Variants in KLHL29 observed in about 807,000 individuals in gnomAD.
KLHL29 encodes the protein kelch like family member 29.
Under a neutral mutation model 80.4 loss-of-function variants are expected in KLHL29, and 21 were observed. That is an observed-to-expected ratio of 0.26 (90% CI 0.19 to 0.38). The LOEUF is 0.38. KLHL29 is among the 10% of genes least tolerant of loss of function. The pLI, the probability that KLHL29 is intolerant of heterozygous loss-of-function variation, is 1.00. For synonymous variants in KLHL29, 511 were observed against 526.8 expected (o/e 0.97, Z 0.41); for missense variants, 867 against 1,223.9 (o/e 0.71, Z 4.35).
At chr2:23,401,647 C>T (rs1666601557) in intron 1 of KLHL29, among the ~76,000 whole-genome samples, 1 of 152,176 alleles carries the variant, frequency 6.6e-6, no homozygotes, top group Non-Finnish European at 1.5e-5. Flanking sequence ...CACAGGAGAC[C>T]TGGGACAGAG....
intron 1 of KLHL29, among the ~76,000 whole-genome samples, chr2:23,460,441 G>T (rs769255602): frequency 1.3e-5 from 2 of 152,128 alleles, no homozygotes; most frequent in East Asian, 1.9e-4. Flanking sequence ...GATGCTACTG[G>T]CCTCTAGTGG....
chr2:23,548,337 A>AGG lies in KLHL29; in HGVS notation c.-45-13815_-45-13814insGG, dbSNP rs1301199720. Among the ~76,000 whole-genome samples, 10 of 149,828 alleles carry AGG rather than the reference A, an allele frequency of 6.7e-5. No individual in the cohort carries two copies. In the East Asian group the frequency reaches 1.9e-3, roughly 29 times the overall value. Reference sequence around the variant, plus strand: ...CACACAGACACAAGCACACAGACACACACACAGGCACACAGGCACACACAC... The same window carrying AGG: ...CACACAGACACAAGCACACAGACACAGGCACACAGGCACACAGGCACACACAC... On this transcript the variant is annotated intron_variant, in intron 2 of 13. Transcript: ENST00000486442.
At chr2:23,433,998 G>A (rs1558336562) in intron 1 of KLHL29, among the ~76,000 whole-genome samples, 1 of 152,096 alleles carries the variant, frequency 6.6e-6, no homozygotes, top group East Asian at 1.9e-4. Flanking sequence ...TGTGTCTGTG[G>A]GTGTGTGCAA....
chr2:23,436,306 G>GTGTGTGTGTGTGTT (rs1484848749), intron 1 of KLHL29, among the ~76,000 whole-genome samples: 2 of 151,234 alleles, frequency 1.3e-5, no homozygotes, highest in Non-Finnish European at 3.0e-5. Context: ...GTGTGTGTGT[G>GTGTGTGTGTGTGTT]TGTGTGTGTG....
chr2:23,591,658 C>T (rs1219691995), intron 3 of KLHL29, among the ~76,000 whole-genome samples: 5 of 152,170 alleles, frequency 3.3e-5, no homozygotes, highest in African/African-American at 7.2e-5. Context: ...CCAAGGTCCT[C>T]GCCCGGTCTC....
chr2:23,673,982 C>G (rs894061441), intron 5 of KLHL29, among the ~76,000 whole-genome samples: 2 of 152,226 alleles, frequency 1.3e-5, no homozygotes, highest in African/African-American at 4.8e-5. Flanking sequence ...ATGGCCCTCT[C>G]ACACCTCAGC....
intron 1 of KLHL29, among the ~76,000 whole-genome samples, chr2:23,467,038 C>G (rs575385850): frequency 6.6e-6 from 1 of 152,154 alleles, no homozygotes; most frequent in Admixed American, 6.5e-5. Context: ...TTGTCACTCA[C>G]CCTCTCCTGT....
At chr2:23,697,353 G>C (rs979403223) in intron 11 of KLHL29, 29 of 152,252 alleles carry the variant, frequency 1.9e-4, no homozygotes, top group African/African-American at 6.5e-4. Flanking sequence ...CAGAACGGAG[G>C]CTTAGTCCTG....
chr2:23,480,088 AC>A (rs1664744980), intron 2 of KLHL29, among the ~76,000 whole-genome samples: 1 of 152,182 alleles, frequency 6.6e-6, no homozygotes, highest in Non-Finnish European at 1.5e-5. Context: ...GGGAATAACC[AC>A]GGCCTTCCCA....
At position 23,596,858 on chromosome 2, in the gene KLHL29, T is replaced by C. The variant is rs1162639043; in HGVS notation, c.285+34377T>C. The stretch of plus-strand genomic sequence containing the variant: ...TACCCATTTTTCAGATTTTCCTCCT[T>C]CTTACTCATGGCACTCATGTAAGTG... On this transcript the variant is annotated intron_variant, in intron 3 of 13. Coordinates refer to ENST00000486442, the MANE Select transcript of KLHL29 (RefSeq NM_052920.2). The surrounding 1 kb of genome is among the most constrained non-coding windows in gnomAD (Gnocchi z 4.4). Among the ~76,000 whole-genome samples, 2 of 152,136 alleles carry C rather than the reference T, an allele frequency of 1.3e-5. No individual in the cohort carries two copies. Among genetic ancestry groups the C allele is most frequent in the African/African-American group, 2.4e-5 (1 of 41,430 alleles).
rs572975822 is a variant in KLHL29, at chr2:23,562,313, C to T, written c.117C>T (p.Ala39=). 1.0e-5 allele frequency: 16 copies of T among 1,545,030 alleles called. No homozygotes were observed. Among genetic ancestry groups the T allele is most frequent in the Admixed American group, 2.0e-5 (1 of 50,802 alleles). Residue 39 remains alanine (A), a synonymous_variant, in exon 3 of 14, where the codon GCC becomes GCT. Transcript: ENST00000486442. The surrounding 1 kb of genome is among the most constrained non-coding windows in gnomAD (Gnocchi z 4.5). The part of the protein sequence containing the change: ...TTSICSVTSG[A]GGGTASSLSV... ...GCATCTGCAGTGTCACCTCGGGGGC[C>T]GGTGGCGGCACAGCCAGCAGCCTCA...
At chr2:23,439,877 T>G (rs1558338926) in intron 1 of KLHL29, among the ~76,000 whole-genome samples, 1 of 152,114 alleles carries the variant, frequency 6.6e-6, no homozygotes, top group Non-Finnish European at 1.5e-5. Context: ...GTTAACTTTC[T>G]GTCTCATTGA....
chr2:23,524,438 C>T (rs1019930667), intron 2 of KLHL29: 27 of 170,934 alleles, frequency 1.6e-4, no homozygotes, highest in South Asian at 2.9e-4. Context: ...CTGTGAGTCA[C>T]GGTGATGGAT....
chr2:23,515,153 C>T (rs371636745), intron 2 of KLHL29, among the ~76,000 whole-genome samples: 1 of 152,174 alleles, frequency 6.6e-6, no homozygotes, highest in Non-Finnish European at 1.5e-5. Context: ...TCCAAATTGT[C>T]CCTCTTCGCA....
chr2:23,586,434 AC>A (rs1286444488), intron 3 of KLHL29, among the ~76,000 whole-genome samples: 3 of 134,468 alleles, frequency 2.2e-5, no homozygotes, highest in African/African-American at 8.7e-5. Context: ...GTCTCAGCTC[AC>A]TGCAACCTCC....
At chr2:23,502,036 G>A (rs944524958) in intron 2 of KLHL29, among the ~76,000 whole-genome samples, 3 of 152,044 alleles carry the variant, frequency 2.0e-5, no homozygotes, top group Non-Finnish European at 1.5e-5. Context: ...CTGGCTCCTG[G>A]GCCCATCGGG....
chr2:23,605,118 T>C (rs1321130067), intron 3 of KLHL29, among the ~76,000 whole-genome samples: 1 of 145,486 alleles, frequency 6.9e-6, no homozygotes, highest in Non-Finnish European at 1.5e-5. Flanking sequence ...TTTTTTTTTT[T>C]TTTTTTTTTT....
At chr2:23,550,417 C>G (rs768003677) in intron 2 of KLHL29, among the ~76,000 whole-genome samples, 1 of 152,172 alleles carries the variant, frequency 6.6e-6, no homozygotes, top group East Asian at 1.9e-4. Context: ...GGCACTGGTG[C>G]TTAATGCTGG....
At chr2:23,637,389 A>G (rs2288699) in intron 3 of KLHL29, among the ~76,000 whole-genome samples, 14,495 of 152,058 alleles carry the variant, frequency 0.095, 1,689 homozygotes, top group East Asian at 0.46. Flanking sequence ...TAAGTCCCCA[A>G]CCCCCTCTCC....
Sources: gnomAD v4.1 joint callset for allele counts (sites outside exome capture counted in the v4.1 genomes callset) on GRCh38, gnomAD v4.1.1 for gene constraint, Gnocchi (gnomAD v3.1) non-coding constraint, MANE v1.5 for transcripts, NCBI Gene and HGNC (gene_info 2026-07-23, HGNC 2026-07-21) for gene names.